The following HACE1 variants were observed in gnomAD, a reference collection of about 807,000 sequenced individuals.
HACE1 encodes the protein HECT domain and ankyrin repeat containing E3 ubiquitin protein ligase 1, also known as E3 ubiquitin-protein ligase HACE1.
HACE1 carries 73 observed loss-of-function variants against 118.4 expected under a neutral mutation model. That is an observed-to-expected ratio of 0.62 (90% CI 0.51 to 0.75). The LOEUF (loss-of-function observed/expected upper bound fraction) is 0.75, where lower values mean the gene tolerates loss of function less well. HACE1 is among the 30% of genes least tolerant of loss of function. HACE1 has a pLI of 0.00. For missense variants in HACE1, 749 were observed against 1,102.2 expected (o/e 0.68, Z 4.54); for synonymous variants, 368 against 374.8 (o/e 0.98, Z 0.21).
At chr6:104,755,327 A>T (rs1778470551) in intron 19 of HACE1, among the ~76,000 whole-genome samples, 1 of 152,216 alleles carries the variant, frequency 6.6e-6, no homozygotes, top group Non-Finnish European at 1.5e-5. Flanking sequence ...ACACAATAAT[A>T]GTGAGAGGCT....
At chr6:104,744,041 G>T in intron 22 of HACE1, 119 bp downstream of exon 22, 1 of 714,272 alleles carries the variant, frequency 1.4e-6, no homozygotes, top group Non-Finnish European at 2.5e-6. Context: ...CTAAAACAGT[G>T]GAAAGGGTGG....
At chr6:104,760,308 CG>C (rs1279517828) in intron 19 of HACE1, among the ~76,000 whole-genome samples, 1 of 152,028 alleles carries the variant, frequency 6.6e-6, no homozygotes, top group Non-Finnish European at 1.5e-5. Flanking sequence ...AATAAAATAC[CG>C]GCAAACCAAA....
At chr6:104,832,022 GGAAGGAAGGAGA>G in intron 6 of HACE1, among the ~76,000 whole-genome samples, 1 of 143,722 alleles carries the variant, frequency 7.0e-6, no homozygotes, top group South Asian at 2.2e-4. Flanking sequence ...AAGGAAGGAA[GGAAGGAAGGAGA>G]AAGAAAAGAA....
At chr6:104,780,580 ATT>A in intron 14 of HACE1, 1 of 190,208 alleles carries the variant, frequency 5.3e-6, no homozygotes, top group Admixed American at 5.9e-5. Flanking sequence ...AGTACAAAGT[ATT>A]TTTTTTTCCT....
In HACE1 at chr6:104,785,239, T is replaced by G; in HGVS notation, c.1155A>C (p.Ser385=). 6.2e-7 allele frequency: 1 copy of G among 1,612,596 alleles called. No individual in the cohort carries two copies. Among genetic ancestry groups the G allele is most frequent in the Non-Finnish European group, 8.5e-7 (1 of 1,178,626 alleles). ...ATELMKNKRD[S]TEITSILLKQ... Reference sequence around the variant, plus strand: ...TCAGTAAAATAGAAGTGATCTCTGTTGAGTCTCTTTTGTTTTTCATCAATT... The same window carrying G: ...TCAGTAAAATAGAAGTGATCTCTGTGGAGTCTCTTTTGTTTTTCATCAATT... The change falls in exon 12 of 24, where the codon TCA becomes TCC. Residue 385 remains serine (S), a synonymous_variant. Transcript: ENST00000262903.
At chr6:104,783,688 A>G (rs1477293111) in intron 14 of HACE1, among the ~76,000 whole-genome samples, 3 of 152,334 alleles carry the variant, frequency 2.0e-5, no homozygotes, top group South Asian at 2.1e-4. Flanking sequence ...ACAAAGCTAA[A>G]TCACTATTTT....
In HACE1 at chr6:104,811,377, A is replaced by G; in HGVS notation, c.551T>C (p.Leu184Pro). Residue 184 changes from leucine (L) to proline (P), a missense_variant, in exon 7 of 24, where the codon CTA (leucine) becomes CCA (proline). Physicochemically the swap from Leu to Pro is moderately conservative, Grantham distance 98 (BLOSUM62 -3). Transcript: ENST00000262903. ...NGHKTTVQCL[L>P]DSGADINRPN... ...CCTGTTAATATCAGCACCACTGTCT[A>G]GCAAGCACTGCACTGTCTGAGGGGG... The G allele has an allele frequency of 6.6e-7, 1 of 1,508,498 alleles. No individual in the cohort carries two copies. The highest frequency in any genetic ancestry group is 1.7e-5 in the Admixed American group (1 of 59,676). 93.4% of individuals were successfully genotyped at this position (1,508,498 alleles called of 1,614,324 possible). A position where few individuals can be genotyped will look rare whatever the true frequency, so the allele number is the denominator to read the frequency against.
intron 22 of HACE1, among the ~76,000 whole-genome samples, chr6:104,734,878 C>A (rs1448632574): frequency 6.6e-6 from 1 of 152,112 alleles, no homozygotes; most frequent in East Asian, 1.9e-4. Flanking sequence ...AAGACTCATA[C>A]TGACCAAATC....
intron 6 of HACE1, among the ~76,000 whole-genome samples, chr6:104,817,168 A>G (rs1772207537): frequency 6.6e-6 from 1 of 152,110 alleles, no homozygotes; most frequent in East Asian, 1.9e-4. Flanking sequence ...TTGAGAAGGG[A>G]TAATTGTATT....
In HACE1 at chr6:104,809,801, G is replaced by A. The variant is rs142325753; in HGVS notation, c.617+1510C>T. 1.6e-3 allele frequency among the ~76,000 whole-genome samples: 241 copies of A among 151,892 alleles called. 1 individual carries two copies. The highest frequency in any genetic ancestry group is 5.5e-3 in the African/African-American group (229 of 41,448). ...CATTAAGGTGGTTTTGGTTGAGTTA[G>A]AAGTTCAGATTCCGAACATATTCTG... On this transcript the variant is annotated intron_variant, in intron 7 of 23. Coordinates refer to ENST00000262903, the MANE Select transcript of HACE1 (RefSeq NM_020771.4).
At chr6:104,785,457 T>C (rs1782285102) in intron 11 of HACE1, 138 bp from the exon 12 acceptor site, 9 of 646,290 alleles carry the variant, frequency 1.4e-5, no homozygotes, top group East Asian at 5.4e-5. Flanking sequence ...GTTAACGTGA[T>C]AGTAATGCCT....
At chr6:104,784,900 TTTG>T (rs1782171521) in intron 12 of HACE1, 82 bp downstream of exon 12, 1 of 879,314 alleles carries the variant, frequency 1.1e-6, no homozygotes, top group Non-Finnish European at 1.9e-6. Flanking sequence ...CAAATTATTA[TTTG>T]TTGTTTTTGA....
chr6:104,747,514 T>C (rs1424826957), intron 20 of HACE1, among the ~76,000 whole-genome samples: 6 of 152,014 alleles, frequency 3.9e-5, no homozygotes, highest in East Asian at 1.9e-4. Context: ...CAGTGCAGCA[T>C]AGCCCTCCCC....
intron 4 of HACE1, among the ~76,000 whole-genome samples, chr6:104,847,911 G>C (rs1277759583): frequency 6.6e-6 from 1 of 151,506 alleles, no homozygotes; most frequent in African/African-American, 2.4e-5. Flanking sequence ...TAGCTCTCCC[G>C]GGCACTCAAG....
intron 7 of HACE1, among the ~76,000 whole-genome samples, chr6:104,804,485 C>A (rs909109647): frequency 5.3e-5 from 8 of 152,116 alleles, no homozygotes; most frequent in Admixed American, 3.9e-4. Context: ...CTACAGTAAC[C>A]AAAACAGCAT....
At position 104,729,609 on chromosome 6, in the gene HACE1, C is replaced by T. The variant is rs1321166998; in HGVS notation, c.*53G>A. ...TTTTTGTTGACATTTTCCCAAATTACTTCTGCCATTCTGAATTGTGCATCA... is the reference window on the plus strand; with the variant it reads ...TTTTTGTTGACATTTTCCCAAATTATTTCTGCCATTCTGAATTGTGCATCA... On this transcript the variant is annotated 3_prime_UTR_variant, in exon 24 of 24. Coordinates refer to ENST00000262903, the MANE Select transcript of HACE1 (RefSeq NM_020771.4). 1.5e-5 allele frequency: 14 copies of T among 904,874 alleles called. No individual in the cohort carries two copies. The Admixed American group carries it at 1.9e-4, about 12-fold the overall frequency. 56.1% of individuals were successfully genotyped at this position (904,874 alleles called of 1,614,324 possible).
chr6:104,733,935 T>C (rs938265743), intron 22 of HACE1, among the ~76,000 whole-genome samples: 1 of 151,538 alleles, frequency 6.6e-6, no homozygotes, highest in Non-Finnish European at 1.5e-5. Flanking sequence ...GGTGGATCAC[T>C]TGAGGTCAGG....
intron 14 of HACE1, among the ~76,000 whole-genome samples, chr6:104,779,851 T>A (rs990252891): frequency 6.6e-6 from 1 of 151,982 alleles, no homozygotes. Context: ...ATAAAGAACA[T>A]AATTATGATA....
At chr6:104,791,249 CTAAA>C (rs1782987971) in intron 11 of HACE1, among the ~76,000 whole-genome samples, 1 of 152,056 alleles carries the variant, frequency 6.6e-6, no homozygotes, top group Non-Finnish European at 1.5e-5. Context: ...ATTTTAAACA[CTAAA>C]TATCTCTACC....
Sources: gnomAD v4.1 joint callset for allele counts (sites outside exome capture counted in the v4.1 genomes callset) on GRCh38, gnomAD v4.1.1 for gene constraint, MANE v1.5 for transcripts, NCBI Gene and HGNC (gene_info 2026-07-23, HGNC 2026-07-21) for gene names.